Variants in CCDC171 observed in about 807,000 individuals in gnomAD.
CCDC171 encodes coiled-coil domain-containing protein 171.
A neutral mutation model predicts 168.2 loss-of-function variants in CCDC171; 177 were observed. That is an observed-to-expected ratio of 1.05 (90% CI 0.93 to 1.19). The LOEUF (loss-of-function observed/expected upper bound fraction) is 1.19. Ranked by LOEUF, CCDC171 falls within the 50% of genes most tolerant of loss-of-function variation. The pLI, the probability that CCDC171 is intolerant of heterozygous loss-of-function variation, is 0.00. For synonymous variants in CCDC171, 687 were observed against 540.8 expected (o/e 1.27, Z -3.75); for missense variants, 1,991 against 1,539.0 (o/e 1.29, Z -4.91).
chr9:15,568,267 CTTTTTTTTTTTT>C (rs554021809), intron 2 of CCDC171, among the ~76,000 whole-genome samples: 1 of 126,882 alleles, frequency 7.9e-6, no homozygotes, highest in Non-Finnish European at 1.6e-5. Context: ...TCCAATACAT[CTTTTTTTTTTTT>C]TTTTTTTTTG....
intron 16 of CCDC171, among the ~76,000 whole-genome samples, chr9:15,740,489 C>A (rs1170767550): frequency 6.6e-6 from 1 of 151,772 alleles, no homozygotes; most frequent in Non-Finnish European, 1.5e-5. Context: ...AGCTAGAGTG[C>A]AGTGGTGTGA....
At chr9:15,583,945 G>A (rs529611106) in intron 4 of CCDC171, among the ~76,000 whole-genome samples, 5 of 152,192 alleles carry the variant, frequency 3.3e-5, no homozygotes, top group African/African-American at 1.2e-4. Context: ...TCGGCTCACT[G>A]CAACCACCGC....
rs1339132151 is a variant in CCDC171 at position 15,744,921 on chromosome 9, G to A, written c.2554+144G>A. ...ATAGTCTCCATATGTACGTATATGT[G>A]TGTATGGATAAGTGAATATTTTTGT... is the stretch of plus-strand genomic sequence containing the variant. On this transcript the variant is annotated intron_variant, in intron 17 of 25. Transcript: ENST00000380701. 16 of 783,812 alleles carry A rather than the reference G, an allele frequency of 2.0e-5. No homozygotes were observed. In the East Asian group the frequency reaches 4.1e-4, roughly 20 times the overall value. 48.6% of individuals were successfully genotyped at this position (783,812 alleles called of 1,614,324 possible).
chr9:15,936,033 TAC>T (rs1827073208), intron 25 of CCDC171, among the ~76,000 whole-genome samples: 1 of 152,052 alleles, frequency 6.6e-6, no homozygotes, highest in Non-Finnish European at 1.5e-5. Context: ...TCAACATAGT[TAC>T]TTGATAAGAT....
At chr9:15,781,761 G>A (rs2057679634) in intron 20 of CCDC171, among the ~76,000 whole-genome samples, 4 of 152,272 alleles carry the variant, frequency 2.6e-5, no homozygotes, top group South Asian at 2.1e-4. Context: ...TATGAAGTAC[G>A]TGACGATTTC....
chr9:15,831,250 G>T (rs1167492477), intron 21 of CCDC171, among the ~76,000 whole-genome samples: 2 of 152,070 alleles, frequency 1.3e-5, no homozygotes, highest in Non-Finnish European at 2.9e-5. Flanking sequence ...AGGATTACAG[G>T]TGTGAGCCAC....
chr9:15,807,065 G>T (rs2059115035), intron 21 of CCDC171, among the ~76,000 whole-genome samples: 1 of 152,146 alleles, frequency 6.6e-6, no homozygotes, highest in South Asian at 2.1e-4. Flanking sequence ...TTTCCCCTCT[G>T]TCAGATCACA....
In CCDC171 at chr9:16,052,480, C is replaced by T. The variant is rs1028072103; in HGVS notation, n.90-8166C>T. Among the ~76,000 whole-genome samples the T allele has an allele frequency of 2.0e-5, 3 of 152,246 alleles. No individual in the cohort carries two copies. In the South Asian group the frequency reaches 6.2e-4, roughly 32 times the overall value. ...TTTTATTCTCACAAAGCTCTTATGC[C>T]ACACAAACTTCTCTTCACACTGGAA... On this transcript the variant is annotated intron_variant and non_coding_transcript_variant, in intron 1 of 1. Transcript: ENST00000478913.
At chr9:15,928,279 T>C (rs887733105) in intron 25 of CCDC171, among the ~76,000 whole-genome samples, 1 of 151,724 alleles carries the variant, frequency 6.6e-6, no homozygotes, top group Non-Finnish European at 1.5e-5. Context: ...TCACTTGGGC[T>C]GTGGTGAGGA....
intron 24 of CCDC171, among the ~76,000 whole-genome samples, chr9:15,883,762 T>C (rs1819023144): frequency 6.6e-6 from 1 of 152,256 alleles, no homozygotes; most frequent in Non-Finnish European, 1.5e-5. Flanking sequence ...ATAACTGATC[T>C]GAACTGAGAT....
At chr9:15,998,800 A>C (rs1400277785) in intron 3 of CCDC171, among the ~76,000 whole-genome samples, 1 of 152,106 alleles carries the variant, frequency 6.6e-6, no homozygotes, top group African/African-American at 2.4e-5. Context: ...AATGGAGGAG[A>C]ACTCCCTTCC....
At chr9:15,652,033 C>G (rs774796499) in intron 7 of CCDC171, among the ~76,000 whole-genome samples, 2 of 152,086 alleles carry the variant, frequency 1.3e-5, no homozygotes, top group Non-Finnish European at 2.9e-5. Context: ...TTTAGCCTCC[C>G]AAGTAGCTGG....
the CCDC171 span, among the ~76,000 whole-genome samples, chr9:16,088,525 C>G: frequency 2.0e-5 from 3 of 152,216 alleles, no homozygotes; most frequent in Non-Finnish European, 2.9e-5. Flanking sequence ...AGCAAAGTCT[C>G]AGGGTACAAA....
chr9:15,831,313 A>T (rs1198071821), intron 21 of CCDC171, among the ~76,000 whole-genome samples: 1 of 151,956 alleles, frequency 6.6e-6, no homozygotes, highest in East Asian at 1.9e-4. Context: ...GTAAGTGCTT[A>T]AAAAAAGTTA....
chr9:15,571,794 G>C, intron 3 of CCDC171, 35 bp downstream of exon 3: 1 of 1,542,752 alleles, frequency 6.5e-7, no homozygotes, highest in Non-Finnish European at 8.7e-7. Flanking sequence ...AATGTTAAAA[G>C]TTGAGTTTGA....
chr9:16,061,892 C>G (rs1337714505), downstream of CCDC171, among the ~76,000 whole-genome samples: 1 of 152,178 alleles, frequency 6.6e-6, no homozygotes, highest in Non-Finnish European at 1.5e-5. Context: ...ACCAGAACTC[C>G]AAATCCCTGG....
intron 6 of CCDC171, among the ~76,000 whole-genome samples, chr9:15,618,318 T>C (rs1756960804): frequency 6.6e-6 from 1 of 152,288 alleles, no homozygotes; most frequent in African/African-American, 2.4e-5. Context: ...CTTAGCACTA[T>C]CAGGAGAAAA....
chr9:15,848,897 A>G lies in CCDC171; in HGVS notation c.3418A>G (p.Lys1140Glu). ...ESALRMAAKD[K>E]ECVANHMRAV... The stretch of plus-strand genomic sequence containing the variant: ...TTAATCTTTTATTTTTTCTAGAGAC[A>G]AAGAATGTGTTGCTAATCACATGAG... Residue 1140 changes from lysine to glutamate, a missense_variant, in exon 23 of 26, where the codon AAA becomes GAA. Coordinates refer to ENST00000380701, the MANE Select transcript of CCDC171 (RefSeq NM_173550.4). 6.4e-7 allele frequency: 1 copy of G among 1,559,042 alleles called. No individual in the cohort carries two copies.
chr9:15,781,658 C>T (rs1158673336), intron 20 of CCDC171, among the ~76,000 whole-genome samples: 1 of 152,122 alleles, frequency 6.6e-6, no homozygotes, highest in Non-Finnish European at 1.5e-5. Context: ...GGTTATCTGC[C>T]TACCTCAGCC....
Sources: gnomAD v4.1 joint callset for allele counts (sites outside exome capture counted in the v4.1 genomes callset) on GRCh38, gnomAD v4.1.1 for gene constraint, MANE v1.5 for transcripts, NCBI Gene and HGNC (gene_info 2026-07-23, HGNC 2026-07-21) for gene names.